MYH13: variants seen among roughly 807,000 people sequenced by gnomAD.
MYH13 encodes the protein myosin heavy chain 13.
MYH13 carries 177 observed loss-of-function variants against 232.1 expected under a neutral mutation model. That is an observed-to-expected ratio of 0.76 (90% confidence interval 0.67 to 0.86). The LOEUF (loss-of-function observed/expected upper bound fraction) is 0.86, where lower values mean the gene tolerates loss of function less well. MYH13 is among the 40% of genes least tolerant of loss of function. The pLI is 0.00. For synonymous variants in MYH13, 884 were observed against 923.5 expected (o/e 0.96, Z 0.78); for missense variants, 2,246 against 2,405.9 (o/e 0.93, Z 1.39).
At chr17:10,350,048 T>A (rs556274264) in intron 12 of MYH13, among the ~76,000 whole-genome samples, 72 of 152,072 alleles carry the variant, frequency 4.7e-4, no homozygotes, top group African/African-American at 1.7e-3. Context: ...GGGCAGAGGG[T>A]GGCAGTAGGA....
chr17:10,308,279 G>A (rs1430353186), intron 35 of MYH13, among the ~76,000 whole-genome samples: 1 of 147,110 alleles, frequency 6.8e-6, no homozygotes, highest in African/African-American at 2.5e-5. Flanking sequence ...AACTGAGATC[G>A]CACCACTGCA....
intron 30 of MYH13, 56 bp downstream of exon 30, chr17:10,313,102 G>A (rs1355751164): frequency 6.2e-7 from 1 of 1,611,606 alleles, no homozygotes; most frequent in Non-Finnish European, 8.5e-7. Flanking sequence ...AAGACTCCTG[G>A]TCCCTTGGCT....
At chr17:10,341,739 G>A (rs2071621379) in intron 16 of MYH13, among the ~76,000 whole-genome samples, 1 of 152,136 alleles carries the variant, frequency 6.6e-6, no homozygotes, top group Non-Finnish European at 1.5e-5. Context: ...TAGAGTTGAT[G>A]TTATCTCTAG....
Position 10,309,556 on chromosome 17 carries a change from T to C in MYH13, c.4931A>G (p.Gln1644Arg). ...GCCCTGGACCGTGCGCAGATGCTTC[T>C]GGGTCTCTGCCATCTGGCGGTTGGA... Reference protein sequence around the residue: ...GHSNRQMAETQKHLRTVQGQL... With the variant: ...GHSNRQMAETRKHLRTVQGQL... The change falls in exon 34 of 41, where the codon CAG (glutamine) becomes CGG (arginine). Residue 1644 changes from glutamine (Q) to arginine (R), a missense_variant. Physicochemically the swap from Gln to Arg is conservative, Grantham distance 43. Coordinates refer to ENST00000252172, the MANE Select transcript of MYH13 (RefSeq NM_003802.3). 6.2e-7 allele frequency: 1 copy of C among 1,612,850 alleles called. No individual in the cohort carries two copies. Among genetic ancestry groups the C allele is most frequent in the South Asian group, 1.1e-5 (1 of 90,840 alleles).
In MYH13 at chr17:10,346,795, G is replaced by T; in HGVS notation, c.1148C>A (p.Ala383Asp). Residue 383 changes from alanine (A) to aspartate (D), a missense_variant, in exon 13 of 41, where the codon GCT becomes GAT. Ala to Asp is a moderately radical substitution (Grantham distance 126, BLOSUM62 -2). Coordinates refer to ENST00000252172, the MANE Select transcript of MYH13 (RefSeq NM_003802.3). ...TCCCATCAGGTATCCGGCTTTGTCA[G>T]CCACTGAAGGAAGAGAAAAAAATGG... Reference protein sequence around the residue: ...EQAEPDGTEVADKAGYLMGLN... With the variant: ...EQAEPDGTEVDDKAGYLMGLN... 1 of 1,612,758 alleles carries T rather than the reference G, an allele frequency of 6.2e-7. No individual in the cohort carries two copies.
In MYH13 at chr17:10,362,176, C is replaced by T. The variant is rs765573240; in HGVS notation, c.447G>A (p.Gln149=). Residue 149 remains glutamine (Q), a synonymous_variant, in exon 5 of 41, where the codon CAG becomes CAA. Transcript: ENST00000252172. ...VVAAYRGKKR[Q]EAPPHIFSIS... is the part of the protein sequence containing the mutation. The stretch of plus-strand genomic sequence containing the variant: ...TGGAGAAGATGTGGGGCGGGGCCTC[C>T]TGGCGCTTTTTGCCTCTGTAGGCAG... 1 of 1,613,820 alleles carries T rather than the reference C, an allele frequency of 6.2e-7. No homozygotes were observed. Among genetic ancestry groups the T allele is most frequent in the African/African-American group, 1.3e-5 (1 of 74,924 alleles).
At chr17:10,336,464 T>C (rs1027125173) in intron 18 of MYH13, among the ~76,000 whole-genome samples, 1 of 152,186 alleles carries the variant, frequency 6.6e-6, no homozygotes, top group African/African-American at 2.4e-5. Flanking sequence ...CTGTATCTTA[T>C]GATGATCCGG....
Position 10,345,476 on chromosome 17 carries a change from C to G in MYH13, c.1404G>C (p.Glu468Asp), listed in dbSNP as rs757741470. The change falls in exon 14 of 41, where the codon GAG (glutamate) becomes GAC (aspartate). Residue 468 changes from glutamate to aspartate, a missense_variant. By Grantham distance (45) the Glu-to-Asp change is conservative. Transcript: ENST00000252172. ...GAAGGTCACAACTCACATCAAAGAT[C>G]TCAAAGCCAGCAATGTCCAAGACCC... ...FIGVLDIAGF[E>D]IFDFNSLEQL... is the part of the protein sequence containing the mutation. 1.2e-6 allele frequency: 2 copies of G among 1,614,078 alleles called. No individual in the cohort carries two copies. Among genetic ancestry groups the G allele is most frequent in the Non-Finnish European group, 1.7e-6 (2 of 1,180,044 alleles).
At chr17:10,339,724 CAATG>C (rs1030845221) in intron 18 of MYH13, among the ~76,000 whole-genome samples, 3 of 152,128 alleles carry the variant, frequency 2.0e-5, no homozygotes, top group African/African-American at 7.2e-5. Context: ...TTCAGATAAA[CAATG>C]AATACTTTTT....
At chr17:10,334,079 T>C (rs970905965) in intron 18 of MYH13, among the ~76,000 whole-genome samples, 1 of 152,106 alleles carries the variant, frequency 6.6e-6, no homozygotes, top group Non-Finnish European at 1.5e-5. Flanking sequence ...GTAATGTGGG[T>C]GCTCGTGGTA....
intron 33 of MYH13, among the ~76,000 whole-genome samples, chr17:10,310,486 T>C (rs1273404323): frequency 6.6e-6 from 1 of 152,212 alleles, no homozygotes; most frequent in East Asian, 1.9e-4. Flanking sequence ...TCCCTAATAG[T>C]GATGAAACTG....
chr17:10,322,287 A>G (rs1245925784), intron 23 of MYH13, among the ~76,000 whole-genome samples: 25 of 152,026 alleles, frequency 1.6e-4, no homozygotes, highest in Non-Finnish European at 2.9e-5. Flanking sequence ...AGTCCCAGCT[A>G]CTCAGGAGGC....
chr17:10,344,835 AAAAAAAAG>A (rs1330208782), intron 15 of MYH13, among the ~76,000 whole-genome samples: 1 of 150,512 alleles, frequency 6.6e-6, no homozygotes, highest in East Asian at 2.0e-4. Flanking sequence ...AAAAAAAAAA[AAAAAAAAG>A]TTAATATCTA....
intron 3 of MYH13, 33 bp downstream of exon 3, chr17:10,364,294 A>G: frequency 1.3e-6 from 2 of 1,588,062 alleles, no homozygotes; most frequent in South Asian, 2.2e-5. Context: ...GAGCATGCCC[A>G]TATTATCAAA....
Position 10,303,406 on chromosome 17 carries a change from C to T in MYH13, c.5559G>A (p.Glu1853=), listed in dbSNP as rs750637766. ...TTGGGACCCCTACCTGGTAAGTCAT[C>T]TCCTTGACTTTGCGTTCGTACTTGT... ...GAHKYERKVK[E]MTYQAEEDHK... The change falls in exon 38 of 41, where the codon GAG becomes GAA. Residue 1853 remains glutamate, a synonymous_variant. Transcript: ENST00000252172. The T allele has an allele frequency of 6.2e-7, 1 of 1,613,820 alleles. No individual in the cohort carries two copies. The highest frequency in any genetic ancestry group is 1.1e-5 in the South Asian group (1 of 91,080).
chr17:10,360,104 A>C, intron 6 of MYH13, 33 bp from the exon 7 acceptor site: 1 of 1,614,010 alleles, frequency 6.2e-7, no homozygotes, highest in Non-Finnish European at 8.5e-7. Flanking sequence ...GATAAAGGAG[A>C]GTGGAAGGGA....
rs997959098 is a variant in MYH13 at position 10,318,730 on chromosome 17, A to G, written c.3738+60T>C. 1.9e-6 allele frequency: 3 copies of G among 1,599,212 alleles called. No homozygotes were observed. The African/African-American group carries it at 4.0e-5, about 21-fold the overall frequency. ...TGGAGGCATCAAATTACACGTGCCC[A>G]GGGGCAGGTGGCCGTCGGCTGCCTT... On this transcript the variant is annotated intron_variant, in intron 27 of 40. Transcript: ENST00000252172.
intron 2 of MYH13, among the ~76,000 whole-genome samples, chr17:10,368,709 TC>T (rs2071856337): frequency 6.6e-6 from 1 of 152,188 alleles, no homozygotes; most frequent in African/African-American, 2.4e-5. Flanking sequence ...AGTTTTAGCC[TC>T]AAGTGCCTCC....
At chr17:10,329,315 C>T (rs569249612) in intron 21 of MYH13, among the ~76,000 whole-genome samples, 1 of 152,314 alleles carries the variant, frequency 6.6e-6, no homozygotes, top group African/African-American at 2.4e-5. Context: ...TGCTGCTATT[C>T]CTTCTCTTGA....
Sources: allele counts gnomAD v4.1 joint callset (sites outside exome capture counted in the v4.1 genomes callset), GRCh38; gene constraint gnomAD v4.1.1; transcripts MANE v1.5; gene names NCBI Gene and HGNC (gene_info 2026-07-23, HGNC 2026-07-21).